Variants in B4GALT5 observed in about 807,000 individuals in gnomAD.
B4GALT5 encodes beta-1,4-galactosyltransferase 5, also known as UDP-Gal:beta-GlcNAc beta-1,4-galactosyltransferase 5.
B4GALT5 carries 11 observed loss-of-function variants against 45.0 expected under a neutral mutation model. That is an observed-to-expected ratio of 0.24 (90% CI 0.15 to 0.40). B4GALT5 has a LOEUF of 0.40. Ranked by LOEUF, B4GALT5 falls within the 10% of genes least tolerant of loss-of-function variation. The probability of loss-of-function intolerance (pLI) is 1.00; values close to 1 mark genes in which losing one functional copy is unlikely to be tolerated. For synonymous variants in B4GALT5, 185 were observed against 182.9 expected (o/e 1.01, Z -0.09); for missense variants, 337 against 500.2 (o/e 0.67, Z 3.11).
At chr20:49,678,541 T>C (rs1201695625) in intron 1 of B4GALT5, among the ~76,000 whole-genome samples, 1 of 152,166 alleles carries the variant, frequency 6.6e-6, no homozygotes, top group African/African-American at 2.4e-5. Flanking sequence ...CTCATAATTA[T>C]CTGGCCAAGA....
rs751450920 is a variant in B4GALT5, at chr20:49,640,516, C to T, written c.756G>A (p.Pro252=). 16 of 1,609,668 alleles carry T rather than the reference C, an allele frequency of 9.9e-6. No homozygotes were observed. The highest frequency in any genetic ancestry group is 7.8e-5 in the South Asian group (7 of 89,682). The change falls in exon 6 of 9, where the codon CCG becomes CCA. Residue 252 remains proline, a synonymous_variant. Coordinates refer to ENST00000371711, the MANE Select transcript of B4GALT5 (RefSeq NM_004776.4). ...DRNYYGCGQM[P]RHFATKLDKY... is the part of the protein sequence containing the mutation. ...TATCCAATTTGGTTGCAAAATGCCT[C>T]GGCATCTGTCCACATCCATAATAGT... is the stretch of plus-strand genomic sequence containing the variant.
At chr20:49,695,555 G>A (rs1449445656) in intron 1 of B4GALT5, among the ~76,000 whole-genome samples, 1 of 152,062 alleles carries the variant, frequency 6.6e-6, no homozygotes, top group Non-Finnish European at 1.5e-5. Flanking sequence ...GGGATTACAA[G>A]CATATGCCAC....
rs150470968 is a variant in B4GALT5, at chr20:49,655,196, C to T, written c.250+1372G>A. ...CTGTAATCCCAACACTTTGGGAGGC[C>T]GAGGCAGGCGGATCACCTGAGGTCA... On this transcript the variant is annotated intron_variant, in intron 2 of 8. Coordinates refer to ENST00000371711, the MANE Select transcript of B4GALT5 (RefSeq NM_004776.4). 2.6e-3 allele frequency among the ~76,000 whole-genome samples: 402 copies of T among 151,924 alleles called. 2 individuals carry two copies. The highest frequency in any genetic ancestry group is 9.2e-3 in the African/African-American group (379 of 41,412).
At chr20:49,683,472 C>T (rs1029578977) in intron 1 of B4GALT5, among the ~76,000 whole-genome samples, 3 of 142,990 alleles carry the variant, frequency 2.1e-5, no homozygotes, top group African/African-American at 5.2e-5. Context: ...CGGCTCACTA[C>T]AACCTCCGCC....
chr20:49,674,148 C>T (rs2085727823), intron 1 of B4GALT5, among the ~76,000 whole-genome samples: 1 of 140,608 alleles, frequency 7.1e-6, no homozygotes. Context: ...CCCAGCTACT[C>T]GGGAGGCTGA....
At chr20:49,691,415 G>A (rs1451517283) in intron 1 of B4GALT5, among the ~76,000 whole-genome samples, 1 of 152,150 alleles carries the variant, frequency 6.6e-6, no homozygotes, top group Non-Finnish European at 1.5e-5. Context: ...CAGCTACTCA[G>A]GAGGTTAAGG....
intron 1 of B4GALT5, among the ~76,000 whole-genome samples, chr20:49,657,888 T>C (rs1375264700): frequency 6.6e-6 from 1 of 152,228 alleles, no homozygotes; most frequent in Admixed American, 6.5e-5. Flanking sequence ...GCTAGTGCTT[T>C]TGGTGCTTTA....
At chr20:49,713,241 G>A (rs2085926662) in intron 1 of B4GALT5, among the ~76,000 whole-genome samples, 2 of 151,806 alleles carry the variant, frequency 1.3e-5, no homozygotes, top group Non-Finnish European at 2.9e-5. Flanking sequence ...TTCTCGAGCA[G>A]AGGAGCGGGA....
chr20:49,642,996 A>G (rs1182420232), intron 4 of B4GALT5, among the ~76,000 whole-genome samples: 15 of 152,266 alleles, frequency 9.9e-5, no homozygotes, highest in Admixed American at 9.2e-4. Flanking sequence ...TGTGTTCCAG[A>G]TCTGCTGCAT....
chr20:49,673,092 A>G (rs374788621), intron 1 of B4GALT5, among the ~76,000 whole-genome samples: 1 of 152,114 alleles, frequency 6.6e-6, no homozygotes, highest in South Asian at 2.1e-4. Context: ...ACAAAAATAC[A>G]GTGGATTGGC....
Position 49,651,837 on chromosome 20 carries a change from G to C in B4GALT5, c.250+4731C>G, listed in dbSNP as rs1038646512. On this transcript the variant is annotated intron_variant, in intron 2 of 8. Coordinates refer to ENST00000371711, the MANE Select transcript of B4GALT5 (RefSeq NM_004776.4). ...CTCATGCCTGTAATCCCAGCACTTT[G>C]GGAGGCCGAGGTGAGCAGATCACTT... Among the ~76,000 whole-genome samples, 8 of 152,112 alleles carry C rather than the reference G, an allele frequency of 5.3e-5. No homozygotes were observed. The South Asian group carries it at 6.2e-4, about 12-fold the overall frequency.
intron 1 of B4GALT5, among the ~76,000 whole-genome samples, chr20:49,705,224 C>T (rs1207457603): frequency 6.6e-6 from 1 of 152,092 alleles, no homozygotes; most frequent in Non-Finnish European, 1.5e-5. Context: ...CTCTATTTCA[C>T]ACTTAAAAGC....
chr20:49,691,258 T>C (rs1463699914), intron 1 of B4GALT5, among the ~76,000 whole-genome samples: 2 of 152,160 alleles, frequency 1.3e-5, no homozygotes, highest in African/African-American at 4.8e-5. Context: ...GGCTCACGCC[T>C]GTAATCCCAA....
chr20:49,681,119 G>C (rs2146349008), intron 1 of B4GALT5, among the ~76,000 whole-genome samples: 1 of 150,926 alleles, frequency 6.6e-6, no homozygotes, highest in African/African-American at 2.4e-5. Flanking sequence ...AGGAGGCTGA[G>C]GCTGGAGGTT....
intron 1 of B4GALT5, among the ~76,000 whole-genome samples, chr20:49,673,389 A>C (rs1183572979): frequency 5.9e-5 from 9 of 151,892 alleles, no homozygotes; most frequent in African/African-American, 1.9e-4. Flanking sequence ...CAAAAAAAAA[A>C]CAACCAGAAA....
intron 3 of B4GALT5, among the ~76,000 whole-genome samples, chr20:49,645,113 A>G (rs986246661): frequency 6.6e-6 from 1 of 152,236 alleles, no homozygotes; most frequent in Non-Finnish European, 1.5e-5. Context: ...ATGGTGGCTC[A>G]TGCCTGTAGT....
At chr20:49,698,168 C>T (rs2085847041) in intron 1 of B4GALT5, among the ~76,000 whole-genome samples, 1 of 151,878 alleles carries the variant, frequency 6.6e-6, no homozygotes, top group South Asian at 2.1e-4. Flanking sequence ...GTAAAAACTA[C>T]AAAAATTAGC....
intron 5 of B4GALT5, among the ~76,000 whole-genome samples, chr20:49,641,164 T>C (rs2085575690): frequency 6.6e-6 from 1 of 152,078 alleles, no homozygotes; most frequent in Admixed American, 6.6e-5. Context: ...CCAATTTCTT[T>C]AAAAATGTAA....
At chr20:49,680,065 T>C (rs1028704642) in intron 1 of B4GALT5, among the ~76,000 whole-genome samples, 1 of 152,234 alleles carries the variant, frequency 6.6e-6, no homozygotes, top group East Asian at 1.9e-4. Flanking sequence ...TCAGGTTTTC[T>C]ATCTATTTCA....
Sources: gnomAD v4.1 joint callset for allele counts (sites outside exome capture counted in the v4.1 genomes callset) on GRCh38, gnomAD v4.1.1 for gene constraint, MANE v1.5 for transcripts, NCBI Gene and HGNC (gene_info 2026-07-23, HGNC 2026-07-21) for gene names.